Variants in RBPJL observed in about 807,000 individuals in gnomAD.
The protein encoded by RBPJL is recombination signal binding protein for immunoglobulin kappa J region like.
A neutral mutation model predicts 57.6 loss-of-function variants in RBPJL; 50 were observed. That is an observed-to-expected ratio of 0.87 (90% CI 0.69 to 1.10). The LOEUF (loss-of-function observed/expected upper bound fraction) is 1.10. Ranked by LOEUF, RBPJL falls within the 50% of genes least tolerant of loss-of-function variation. RBPJL has a pLI of 0.00. For synonymous variants in RBPJL, 303 were observed against 294.4 expected, an observed-to-expected ratio of 1.03 and a Z score of -0.30; for missense variants, 684 against 693.7, an observed-to-expected ratio of 0.99 and a Z score of 0.16.
rs779775376 is a variant in RBPJL at position 45,311,685 on chromosome 20, G to C, written c.328+26G>C. ...GTGAGGGCGGAATCAAGGGCTGCCG[G>C]CCGCCTGCTCTGTAGGGAGGACCAC... On this transcript the variant is annotated intron_variant, in intron 4 of 11. Coordinates refer to ENST00000343694, the MANE Select transcript of RBPJL (RefSeq NM_014276.4). The C allele has an allele frequency of 4.7e-5, 75 of 1,612,362 alleles. No homozygotes were observed. In the Middle Eastern group the frequency reaches 8.5e-4, roughly 18 times the overall value.
chr20:45,312,174 CG>C, intron 5 of RBPJL, 46 bp from the exon 6 acceptor site: 3 of 1,612,642 alleles, frequency 1.9e-6, no homozygotes, highest in Non-Finnish European at 2.5e-6. Flanking sequence ...GTTCATCCGA[CG>C]GGGGAGGGCT....
chr20:45,310,185 A>C (rs1177845979), intron 3 of RBPJL, among the ~76,000 whole-genome samples: 1 of 152,212 alleles, frequency 6.6e-6, no homozygotes, highest in African/African-American at 2.4e-5. Context: ...AACTGAAGGC[A>C]GGGGGGACAT....
intron 9 of RBPJL, 126 bp from the exon 10 acceptor site, chr20:45,316,061 T>C: frequency 1.2e-6 from 1 of 841,896 alleles, no homozygotes; most frequent in East Asian, 2.6e-5. Context: ...AGGGGACAAG[T>C]GAACCCCAGA....
chr20:45,307,040 A>C, intron 1 of RBPJL, 96 bp downstream of exon 1: 2 of 784,034 alleles, frequency 2.6e-6, no homozygotes, highest in Non-Finnish European at 3.5e-6. Context: ...TAGGAAAACT[A>C]AGCCCCAAGG....
At chr20:45,313,270 G>T (rs988396390) in intron 6 of RBPJL, among the ~76,000 whole-genome samples, 198 bp from the exon 7 acceptor site, 3 of 151,436 alleles carry the variant, frequency 2.0e-5, no homozygotes, top group Non-Finnish European at 2.9e-5. Context: ...CCCTCACCCT[G>T]ACCCCCTCCC....
intron 9 of RBPJL, among the ~76,000 whole-genome samples, chr20:45,314,941 G>T (rs1433462395): frequency 6.6e-6 from 1 of 152,066 alleles, no homozygotes; most frequent in African/African-American, 2.4e-5. Context: ...AAATTAGCTG[G>T]GCATGGCAGT....
intron 3 of RBPJL, 72 bp downstream of exon 3, chr20:45,309,764 G>A (rs1275806985): frequency 1.9e-6 from 3 of 1,591,060 alleles, no homozygotes; most frequent in Non-Finnish European, 2.6e-6. Flanking sequence ...TCCACCCATT[G>A]GGCCTCTTTT....
chr20:45,312,195 T>C, intron 5 of RBPJL, 26 bp from the exon 6 acceptor site: 2 of 1,613,882 alleles, frequency 1.2e-6, no homozygotes, highest in Non-Finnish European at 8.5e-7. Context: ...TGGGATGAGA[T>C]GGCCCTGTAC....
chr20:45,315,952 TAAAG>T lies in RBPJL; in HGVS notation c.1021-231_1021-228del, dbSNP rs1056486497. On this transcript the variant is annotated intron_variant, in intron 9 of 11. Transcript: ENST00000343694. Reference sequence around the variant, plus strand: ...AAGAAAAGGAAGGAAGGAAGGAAAATAAAGAAAAAAGAAAGAAGAAAGAAGAAAG... The same window carrying T: ...AAGAAAAGGAAGGAAGGAAGGAAAATAAAAAAGAAAGAAGAAAGAAGAAAG... 2.3e-4 allele frequency: 87 copies of T among 384,670 alleles called. No individual in the cohort carries two copies. In the South Asian group the frequency reaches 7.1e-3, roughly 31 times the overall value. The allele number at this position is 384,670 out of a possible 1,614,324, so 23.8% of individuals were successfully genotyped here. A position where few individuals can be genotyped will look rare whatever the true frequency, so the allele number is the denominator to read the frequency against.
At chr20:45,310,018 A>C (rs927628512) in intron 3 of RBPJL, among the ~76,000 whole-genome samples, 5 of 152,190 alleles carry the variant, frequency 3.3e-5, no homozygotes, top group African/African-American at 1.2e-4. Context: ...CACTGGGCAT[A>C]CAGCTGAACA....
intron 3 of RBPJL, among the ~76,000 whole-genome samples, chr20:45,310,692 T>C (rs887896292): frequency 2.0e-5 from 3 of 151,884 alleles, no homozygotes; most frequent in Admixed American, 6.6e-5. Flanking sequence ...TGACAGTGGC[T>C]GAAATCAGAG....
Position 45,314,396 on chromosome 20 carries a change from C to T in RBPJL, c.868-17C>T, listed in dbSNP as rs1194584669. 6.2e-7 allele frequency: 1 copy of T among 1,608,790 alleles called. No homozygotes were observed. Among genetic ancestry groups the T allele is most frequent in the Non-Finnish European group, 8.5e-7 (1 of 1,175,838 alleles). On this transcript the variant is annotated splice_polypyrimidine_tract_variant and intron_variant, in intron 8 of 11. Transcript: ENST00000343694. ...GGGCTCCTTGCCACCACTGTTCTTACCATCCTTCCATTGCAGATCATCCGT... is the reference window on the plus strand; with the variant it reads ...GGGCTCCTTGCCACCACTGTTCTTATCATCCTTCCATTGCAGATCATCCGT...
In RBPJL at chr20:45,316,062, G is replaced by C. The variant is rs77245003; in HGVS notation, c.1021-125G>C. ...CACTGTCCAAGCTGAGGGGACAAGT[G>C]AACCCCAGAGCCTAGGATTAGTATC... On this transcript the variant is annotated intron_variant, in intron 9 of 11. Transcript: ENST00000343694. 867 of 850,320 alleles carry C rather than the reference G, an allele frequency of 1.0e-3. 26 individuals are homozygous for C. The East Asian group carries it at 0.022, about 22-fold the overall frequency. The allele number at this position is 850,320 out of a possible 1,614,324, so 52.7% of individuals were successfully genotyped here.
intron 2 of RBPJL, among the ~76,000 whole-genome samples, chr20:45,308,942 C>A (rs1986986373): frequency 6.6e-6 from 1 of 152,162 alleles, no homozygotes; most frequent in Non-Finnish European, 1.5e-5. Flanking sequence ...AAAGCCCACA[C>A]AGCAACAGGC....
chr20:45,314,200 T>G, intron 8 of RBPJL, 56 bp downstream of exon 8: 1 of 1,482,040 alleles, frequency 6.7e-7, no homozygotes, highest in South Asian at 1.1e-5. Context: ...GCAGAGAATG[T>G]GGCACACACG....
chr20:45,315,504 G>A (rs1382582583), intron 9 of RBPJL, among the ~76,000 whole-genome samples: 1 of 152,090 alleles, frequency 6.6e-6, no homozygotes, highest in Non-Finnish European at 1.5e-5. Context: ...ACTTTGGGAG[G>A]CTGAGGCAGG....
chr20:45,307,981 A>G (rs1986883013), intron 1 of RBPJL, among the ~76,000 whole-genome samples, 162 bp from the exon 2 acceptor site: 1 of 152,152 alleles, frequency 6.6e-6, no homozygotes, highest in African/African-American at 2.4e-5. Flanking sequence ...ATGAGAGTAG[A>G]AAAGGGATGA....
At chr20:45,308,487 T>G (rs2235226) in intron 2 of RBPJL, 246,380 of 541,650 alleles carry the variant, frequency 0.45, 59,415 homozygotes, top group African/African-American at 0.59. Flanking sequence ...CAGGCTGGAA[T>G]TCAGCTACAG....
intron 2 of RBPJL, 160 bp downstream of exon 2, chr20:45,308,411 G>C (rs111742158): frequency 6.8e-5 from 41 of 600,738 alleles, no homozygotes; most frequent in Admixed American, 2.2e-4. Flanking sequence ...TCCTCCTGAG[G>C]GGGGGCAAAC....
Sources: gnomAD v4.1 joint callset for allele counts (sites outside exome capture counted in the v4.1 genomes callset) on GRCh38, gnomAD v4.1.1 for gene constraint, MANE v1.5 for transcripts, NCBI Gene and HGNC (gene_info 2026-07-23, HGNC 2026-07-21) for gene names.